Variants in ATXN1 observed in about 807,000 individuals in gnomAD.
ATXN1 encodes the protein ataxin 1, also known as ataxin-1.
ATXN1 carries 8 observed loss-of-function variants against 56.4 expected under a neutral mutation model. The observed-to-expected ratio is 0.14, with a 90% CI of 0.08 to 0.26. ATXN1 has a LOEUF of 0.26. ATXN1 is among the 10% of genes least tolerant of loss of function. The pLI, the probability that ATXN1 is intolerant of heterozygous loss-of-function variation, is 1.00. For missense variants in ATXN1, 987 were observed against 1,106.5 expected, an observed-to-expected ratio of 0.89 and a Z score of 1.53; for synonymous variants, 514 against 494.6, an observed-to-expected ratio of 1.04 and a Z score of -0.52.
intron 1 of ATXN1, among the ~76,000 whole-genome samples, chr6:16,759,365 T>G (rs1287156746): frequency 6.6e-6 from 1 of 152,200 alleles, no homozygotes; most frequent in Non-Finnish European, 1.5e-5. Context: ...GTCTTCTAAT[T>G]TTGCTAATTG....
In ATXN1 at chr6:16,420,303, A is replaced by G. The variant is rs1759005719; in HGVS notation, c.-161+65669T>C. On this transcript the variant is annotated intron_variant, in intron 6 of 7. Coordinates refer to ENST00000436367, the MANE Select transcript of ATXN1 (RefSeq NM_001128164.2). Reference sequence around the variant, plus strand: ...CTGGGGACCTTCAGACAAATTAGCTATCTTGTGAACAGTCCCAGGATGCCA... The same window carrying G: ...CTGGGGACCTTCAGACAAATTAGCTGTCTTGTGAACAGTCCCAGGATGCCA... Among the ~76,000 whole-genome samples the G allele has an allele frequency of 2.6e-5, 4 of 152,318 alleles. No individual in the cohort carries two copies. In the South Asian group the frequency reaches 8.3e-4, roughly 32 times the overall value.
rs572383359 is a variant in ATXN1, at chr6:16,737,789, T to C, written c.-615+15444A>G. The C allele has an allele frequency of 4.6e-5, 7 of 152,248 alleles. No individual in the cohort carries two copies. The South Asian group carries it at 1.2e-3, about 27-fold the overall frequency. 9.4% of individuals were successfully genotyped at this position (152,248 alleles called of 1,614,324 possible). A position where few individuals can be genotyped will look rare whatever the true frequency, so the allele number is the denominator to read the frequency against. ...TAAGACAGAAAAGATGGTCAAGGTA[T>C]AAACAATGAACAGGTTGGAACTGTT... On this transcript the variant is annotated intron_variant, in intron 2 of 7. Transcript: ENST00000436367.
chr6:16,661,812 G>C (rs942692761), intron 2 of ATXN1, among the ~76,000 whole-genome samples: 1 of 152,148 alleles, frequency 6.6e-6, no homozygotes, highest in African/African-American at 2.4e-5. Context: ...TATGTGAGTG[G>C]ATTTGGAAGC....
At chr6:16,618,727 A>C (rs1201817978) in intron 3 of ATXN1, among the ~76,000 whole-genome samples, 2 of 151,812 alleles carry the variant, frequency 1.3e-5, no homozygotes, top group Admixed American at 1.3e-4. Flanking sequence ...GTCTCAAAAA[A>C]AAAAAAAAAA....
intron 5 of ATXN1, among the ~76,000 whole-genome samples, chr6:16,514,050 T>A (rs564398468): frequency 6.6e-6 from 1 of 152,110 alleles, no homozygotes; most frequent in African/African-American, 2.4e-5. Flanking sequence ...GTGTGCAAGC[T>A]GCACACAGCC....
intron 6 of ATXN1, among the ~76,000 whole-genome samples, chr6:16,382,878 G>A (rs1416082935): frequency 1.3e-5 from 2 of 151,270 alleles, no homozygotes; most frequent in Non-Finnish European, 3.0e-5. Flanking sequence ...TTCCTGGGAA[G>A]GCCTGGATGG....
chr6:16,476,010 C>A (rs1760318769), intron 6 of ATXN1, among the ~76,000 whole-genome samples: 1 of 151,976 alleles, frequency 6.6e-6, no homozygotes, highest in Non-Finnish European at 1.5e-5. Flanking sequence ...GCTGGGACTA[C>A]AGGCATGCAC....
chr6:16,361,307 G>GT (rs1470388331), intron 6 of ATXN1, among the ~76,000 whole-genome samples: 1 of 152,188 alleles, frequency 6.6e-6, no homozygotes, highest in African/African-American at 2.4e-5. Context: ...TTCACATTCT[G>GT]TTTCTGAAAC....
At chr6:16,325,986 A>G (rs1760794230) in intron 7 of ATXN1, among the ~76,000 whole-genome samples, 1 of 152,178 alleles carries the variant, frequency 6.6e-6, no homozygotes, top group African/African-American at 2.4e-5. Flanking sequence ...TTGCTTTAGC[A>G]TCTAATCCCC....
chr6:16,439,363 GGGCCGGGGGCGGGGC>G (rs1561896137), intron 6 of ATXN1, among the ~76,000 whole-genome samples: 42 of 15,330 alleles, frequency 2.7e-3, no homozygotes, highest in Non-Finnish European at 4.2e-3. Context: ...GGGGGGGGCG[GGGCCGGGGGCGGGGC>G]GGGAATAAGG....
intron 4 of ATXN1, among the ~76,000 whole-genome samples, chr6:16,543,368 T>C (rs950088981): frequency 2.8e-4 from 42 of 152,344 alleles, no homozygotes; most frequent in African/African-American, 8.2e-4. Context: ...TCTTTTCATT[T>C]GGGGATAAGA....
rs994050492 is a variant in ATXN1, at chr6:16,737,351, A to T, written c.-615+15882T>A. On this transcript the variant is annotated intron_variant, in intron 2 of 7. Transcript: ENST00000436367. ...TTTTAAACAGCTAGTGTAATATTGT[A>T]AACCATGTGTAGAGACAACTAATTT... The T allele has an allele frequency of 3.9e-5, 6 of 152,242 alleles. No individual in the cohort carries two copies. The East Asian group carries it at 5.8e-4, about 15-fold the overall frequency. 9.4% of individuals were successfully genotyped at this position (152,242 alleles called of 1,614,324 possible).
chr6:16,361,726 C>T (rs1306829220), intron 6 of ATXN1, among the ~76,000 whole-genome samples: 3 of 152,080 alleles, frequency 2.0e-5, no homozygotes, highest in Non-Finnish European at 4.4e-5. Flanking sequence ...TCCTACAATC[C>T]CCCAGTTGTT....
Position 16,375,931 on chromosome 6 carries a change from A to C in ATXN1, c.-160-47461T>G, listed in dbSNP as rs2237218. 4.6e-5 allele frequency among the ~76,000 whole-genome samples: 7 copies of C among 152,200 alleles called. No individual in the cohort carries two copies. The East Asian group carries it at 1.4e-3, about 29-fold the overall frequency. ...GGACTATCTGTTCAATTACCTACAG[A>C]TTTCCCACTGGGCTTTACTTTAGAA... On this transcript the variant is annotated intron_variant, in intron 6 of 7. Coordinates refer to ENST00000436367, the MANE Select transcript of ATXN1 (RefSeq NM_001128164.2).
At chr6:16,417,583 C>T (rs560671913) in intron 6 of ATXN1, among the ~76,000 whole-genome samples, 15 of 152,098 alleles carry the variant, frequency 9.9e-5, no homozygotes, top group African/African-American at 1.9e-4. Flanking sequence ...GGACTACAGG[C>T]GCCCACCACC....
chr6:16,725,291 C>T (rs1267689088), intron 2 of ATXN1, among the ~76,000 whole-genome samples: 1 of 152,130 alleles, frequency 6.6e-6, no homozygotes, highest in Non-Finnish European at 1.5e-5. Context: ...TTTATTACTC[C>T]GATACTGCGT....
intron 3 of ATXN1, among the ~76,000 whole-genome samples, chr6:16,586,711 T>C (rs962864479): frequency 2.0e-5 from 3 of 152,152 alleles, no homozygotes; most frequent in Non-Finnish European, 4.4e-5. Flanking sequence ...TACCAACACT[T>C]CTGTAGTTAG....
chr6:16,667,860 T>G (rs999165104), intron 2 of ATXN1, among the ~76,000 whole-genome samples: 8 of 152,336 alleles, frequency 5.3e-5, no homozygotes, highest in Non-Finnish European at 1.2e-4. Context: ...GAACACTTTC[T>G]AGATTATTCT....
chr6:16,359,044 C>A (rs1399667654), intron 6 of ATXN1, among the ~76,000 whole-genome samples: 1 of 152,260 alleles, frequency 6.6e-6, no homozygotes, highest in Non-Finnish European at 1.5e-5. Flanking sequence ...CCAGGAAGGA[C>A]CCTCCCCATC....
Sources: gnomAD v4.1 joint callset for allele counts (sites outside exome capture counted in the v4.1 genomes callset) on GRCh38, gnomAD v4.1.1 for gene constraint, MANE v1.5 for transcripts, NCBI Gene and HGNC (gene_info 2026-07-23, HGNC 2026-07-21) for gene names.